Variants in FOXP1 observed in about 807,000 individuals in gnomAD.
FOXP1 encodes forkhead box protein P1.
A neutral mutation model predicts 98.2 loss-of-function variants in FOXP1; 15 were observed. The observed-to-expected ratio is 0.15, with a 90% CI of 0.10 to 0.24. The LOEUF (loss-of-function observed/expected upper bound fraction) is 0.24. Among genes scored for constraint, FOXP1 ranks in the 10% least tolerant of loss-of-function variants. The pLI is 1.00. For missense variants in FOXP1, 633 were observed against 848.5 expected (o/e 0.75, Z 3.15); for synonymous variants, 371 against 314.5 (o/e 1.18, Z -1.90).
intron 2 of FOXP1, among the ~76,000 whole-genome samples, chr3:71,573,269 G>C (rs2047473585): frequency 6.6e-6 from 1 of 152,134 alleles, no homozygotes; most frequent in Non-Finnish European, 1.5e-5. Context: ...TATGCAAGAA[G>C]CATACTTTGT....
chr3:71,500,032 C>T (rs2041217475), intron 2 of FOXP1, among the ~76,000 whole-genome samples: 1 of 152,198 alleles, frequency 6.6e-6, no homozygotes, highest in Non-Finnish European at 1.5e-5. Flanking sequence ...CCAGATTTAA[C>T]CAAATGGGTC....
intron 5 of FOXP1, among the ~76,000 whole-genome samples, chr3:71,247,230 A>AG: frequency 6.6e-6 from 1 of 152,214 alleles, no homozygotes; most frequent in Non-Finnish European, 1.5e-5. Context: ...ACAAAGGGAA[A>AG]GGGGGAAATC....
intron 5 of FOXP1, among the ~76,000 whole-genome samples, chr3:71,232,710 G>A (rs1355902467): frequency 1.3e-5 from 2 of 151,418 alleles, no homozygotes; most frequent in Admixed American, 1.3e-4. Flanking sequence ...ACCAGTCTGG[G>A]CAACACGGTA....
At position 71,255,140 on chromosome 3, in the gene FOXP1, G is replaced by A. The variant is rs976534271; in HGVS notation, c.-12+44680C>T. Among the ~76,000 whole-genome samples, 12 of 152,102 alleles carry A rather than the reference G, an allele frequency of 7.9e-5. No homozygotes were observed. The East Asian group carries it at 9.7e-4, about 12-fold the overall frequency. The stretch of plus-strand genomic sequence containing the variant: ...CCAAAATCTTCCCACAATTAACCTC[G>A]GACCTATAGATCATAAGGCAACTCA... On this transcript the variant is annotated intron_variant, in intron 5 of 20. Coordinates refer to ENST00000649528, the MANE Select transcript of FOXP1 (RefSeq NM_001349338.3).
chr3:71,465,922 T>C (rs1577667477), intron 3 of FOXP1, among the ~76,000 whole-genome samples: 2 of 152,248 alleles, frequency 1.3e-5, no homozygotes, highest in Admixed American at 6.5e-5. Flanking sequence ...GCACTCCTTA[T>C]GAGAACCTAA....
intron 3 of FOXP1, among the ~76,000 whole-genome samples, chr3:71,383,159 G>T (rs547095481): frequency 1.5e-3 from 222 of 152,294 alleles, no homozygotes; most frequent in Non-Finnish European, 2.4e-3. Context: ...ATGGTAAACT[G>T]ACATGAGAAG....
chr3:70,967,683 A>ATTTT (rs1559585348), intron 19 of FOXP1, among the ~76,000 whole-genome samples: 2 of 21,780 alleles, frequency 9.2e-5, no homozygotes, highest in Admixed American at 8.4e-4. Context: ...AACTACTATT[A>ATTTT]TTTGTTTTTT....
At chr3:71,064,925 A>G in intron 7 of FOXP1, 1 of 428,692 alleles carries the variant, frequency 2.3e-6, no homozygotes, top group South Asian at 9.7e-5. Flanking sequence ...GGCGGACTGC[A>G]CGCGCGCAGG....
In FOXP1 at chr3:71,397,062, GTA is replaced by G. The variant is rs1195319700; in HGVS notation, c.-167-37820_-167-37819del. Among the ~76,000 whole-genome samples, 42 of 63,574 alleles carry G rather than the reference GTA, an allele frequency of 6.6e-4. 8 individuals are homozygous for G. Among genetic ancestry groups the G allele is most frequent in the Admixed American group, 5.5e-3 (27 of 4,876 alleles). 41.7% of individuals were successfully genotyped at this position (63,574 alleles called of 152,430 possible). A position where few individuals can be genotyped will look rare whatever the true frequency, so the allele number is the denominator to read the frequency against. On this transcript the variant is annotated intron_variant, in intron 3 of 20. Coordinates refer to ENST00000649528, the MANE Select transcript of FOXP1 (RefSeq NM_001349338.3). ...TATATATATATACACATATATATGT[GTA>G]TATATATATACATATATATGTGTAT...
chr3:71,451,289 T>C (rs2086928063), intron 3 of FOXP1, among the ~76,000 whole-genome samples: 3 of 152,224 alleles, frequency 2.0e-5, no homozygotes, highest in East Asian at 1.9e-4. Context: ...TCCTGTCTGC[T>C]AGATCTAAAG....
rs553031681 is a variant in FOXP1 at position 70,965,198 on chromosome 3, A to C, written c.1889+692T>G. Reference sequence around the variant, plus strand: ...TCCTGGGAGAGAGGGTGTTATAGTTACACCAAGTTCTCTCCCATCACCCAC... The same window carrying C: ...TCCTGGGAGAGAGGGTGTTATAGTTCCACCAAGTTCTCTCCCATCACCCAC... On this transcript the variant is annotated intron_variant, in intron 20 of 20. Coordinates refer to ENST00000649528, the MANE Select transcript of FOXP1 (RefSeq NM_001349338.3). Among the ~76,000 whole-genome samples the C allele has an allele frequency of 3.9e-5, 6 of 152,272 alleles. No individual in the cohort carries two copies. In the South Asian group the frequency reaches 1.2e-3, roughly 32 times the overall value.
At chr3:71,356,802 G>A (rs1325913683) in intron 4 of FOXP1, among the ~76,000 whole-genome samples, 1 of 152,164 alleles carries the variant, frequency 6.6e-6, no homozygotes, top group Non-Finnish European at 1.5e-5. Flanking sequence ...AGGAGTTTCT[G>A]CGAATGCATC....
At chr3:71,496,842 C>CA (rs369796493) in intron 2 of FOXP1, among the ~76,000 whole-genome samples, 57 of 149,228 alleles carry the variant, frequency 3.8e-4, no homozygotes, top group African/African-American at 9.3e-4. Context: ...AACAAAAAGA[C>CA]AAAAAAAAAC....
intron 11 of FOXP1, among the ~76,000 whole-genome samples, chr3:71,027,142 T>C (rs1471360443): frequency 6.6e-6 from 1 of 152,136 alleles, no homozygotes; most frequent in Non-Finnish European, 1.5e-5. Flanking sequence ...ATTAACACCA[T>C]TAGGCAGGCA....
intron 6 of FOXP1, among the ~76,000 whole-genome samples, chr3:71,128,904 A>G (rs2059395348): frequency 6.6e-6 from 1 of 152,204 alleles, no homozygotes; most frequent in East Asian, 1.9e-4. Flanking sequence ...TTAAAAAAAA[A>G]AAGACACATA....
intron 18 of FOXP1, chr3:70,972,039 C>G: frequency 6.9e-7 from 1 of 1,459,548 alleles, no homozygotes; most frequent in Non-Finnish European, 9.0e-7. Flanking sequence ...AAGTTTTCAT[C>G]GGGGCAGTAT....
At chr3:71,329,219 T>C (rs2076136410) in intron 4 of FOXP1, among the ~76,000 whole-genome samples, 1 of 151,616 alleles carries the variant, frequency 6.6e-6, no homozygotes, top group Admixed American at 6.6e-5. Context: ...AGACCTCTTT[T>C]TTTTTCTTTT....
intron 6 of FOXP1, among the ~76,000 whole-genome samples, chr3:71,170,736 G>A (rs556065229): frequency 2.6e-5 from 4 of 152,306 alleles, no homozygotes; most frequent in Non-Finnish European, 5.9e-5. Flanking sequence ...CGCATAAGCT[G>A]TTAAGCAGGC....
At chr3:71,530,293 T>C (rs1243470056) in intron 2 of FOXP1, among the ~76,000 whole-genome samples, 1 of 152,166 alleles carries the variant, frequency 6.6e-6, no homozygotes, top group Non-Finnish European at 1.5e-5. Context: ...GTGGGATTGC[T>C]ACAGAAGCAA....
Sources: gnomAD v4.1 joint callset for allele counts (sites outside exome capture counted in the v4.1 genomes callset) on GRCh38, gnomAD v4.1.1 for gene constraint, MANE v1.5 for transcripts, NCBI Gene and HGNC (gene_info 2026-07-23, HGNC 2026-07-21) for gene names.